The following ANK2 variants were observed in gnomAD, a reference collection of about 807,000 sequenced individuals.
ANK2 encodes ankyrin 2.
Under a neutral mutation model 360.5 loss-of-function variants are expected in ANK2, and 83 were observed. That is an observed-to-expected ratio of 0.23 (90% CI 0.19 to 0.28). ANK2 has a LOEUF of 0.28. Among genes scored for constraint, ANK2 ranks in the 10% least tolerant of loss-of-function variants. The pLI is 1.00. For synonymous variants in ANK2, 1,740 were observed against 1,759.5 expected, an observed-to-expected ratio of 0.99 and a Z score of 0.28; for missense variants, 4,201 against 4,795.7, an observed-to-expected ratio of 0.88 and a Z score of 3.66.
chr4:112,957,562 A>C (rs1581896681), intron 2 of ANK2, among the ~76,000 whole-genome samples: 1 of 152,014 alleles, frequency 6.6e-6, no homozygotes, highest in African/African-American at 2.4e-5. Context: ...GGCCGGGCAG[A>C]AGGGCTCCTC....
At chr4:113,198,968 T>C (rs770545570) in intron 3 of ANK2, 43 bp from the exon 4 acceptor site, 1 of 1,535,214 alleles carries the variant, frequency 6.5e-7, no homozygotes, top group Non-Finnish European at 9.0e-7. Flanking sequence ...TTCTGCAAAA[T>C]TCAGAAACCT....
At chr4:113,298,866 A>G (rs1246124818) in intron 22 of ANK2, among the ~76,000 whole-genome samples, 1 of 152,230 alleles carries the variant, frequency 6.6e-6, no homozygotes, top group Admixed American at 6.5e-5. Context: ...TTTTCAAAGG[A>G]CATTTTGTTT....
At chr4:113,164,702 T>A (rs1281006752) in intron 1 of ANK2, among the ~76,000 whole-genome samples, 1 of 152,232 alleles carries the variant, frequency 6.6e-6, no homozygotes, top group Non-Finnish European at 1.5e-5. Flanking sequence ...AAGGTTTTTT[T>A]CACTTGGTTG....
Position 113,282,847 on chromosome 4 carries a change from G to T in ANK2, c.2054G>T (p.Gly685Val), listed in dbSNP as rs1200160910. 36 of 1,613,866 alleles carry T rather than the reference G, an allele frequency of 2.2e-5. No individual in the cohort carries two copies. The highest frequency in any genetic ancestry group is 3.0e-5 in the Non-Finnish European group (35 of 1,179,952). The change falls in exon 18 of 46, where the codon GGA becomes GTA. Residue 685 changes from glycine (G) to valine (V), a missense_variant. By Grantham distance (109) the Gly-to-Val change is moderately radical. Around this residue, in one of 4 missense-constraint regions of ANK2, gnomAD observed 1,268 missense variants for 1,650.8 expected, o/e 0.77. Transcript: ENST00000357077. ...ATGGTTACCTTGCTTCTGGATAAGG[G>T]AGCCAATATCCACATGTCAACTAAG... ...TDMVTLLLDK[G>V]ANIHMSTKSG...
At chr4:113,169,193 T>C (rs2097856489) in intron 1 of ANK2, among the ~76,000 whole-genome samples, 1 of 152,198 alleles carries the variant, frequency 6.6e-6, no homozygotes, top group African/African-American at 2.4e-5. Context: ...AATCATCATA[T>C]TTTTTCCTTA....
Position 113,356,591 on chromosome 4 carries a change from G to A in ANK2, c.7973G>A (p.Arg2658Lys), listed in dbSNP as rs1371176383. The A allele has an allele frequency of 3.1e-6, 5 of 1,613,990 alleles. No homozygotes were observed. The East Asian group carries it at 6.7e-5, about 22-fold the overall frequency. The change falls in exon 38 of 46, where the codon AGG becomes AAG. Residue 2658 changes from arginine to lysine, a missense_variant. Physicochemically the swap from Arg to Lys is conservative, Grantham distance 26. Coordinates refer to ENST00000357077, the MANE Select transcript of ANK2 (RefSeq NM_001148.6). The stretch of plus-strand genomic sequence containing the variant: ...CCTGTGTTAGTAACTTCGGAGAGCA[G>A]GAAGGTGTCTTCCTCCTCAGAAAGT... Reference protein sequence around the residue: ...GVPVLVTSESRKVSSSSESEP... With the variant: ...GVPVLVTSESKKVSSSSESEP...
chr4:112,924,690 A>ATATC (rs1428663843), intron 2 of ANK2, among the ~76,000 whole-genome samples: 3 of 152,040 alleles, frequency 2.0e-5, no homozygotes, highest in Admixed American at 2.0e-4. Context: ...GTAAAAAAGT[A>ATATC]TATCTAACAT....
In ANK2 at chr4:113,354,055, C is replaced by A. The variant is rs2095580784; in HGVS notation, c.5437C>A (p.Leu1813Met). Residue 1813 changes from leucine (L) to methionine (M), a missense_variant, in exon 38 of 46, where the codon CTG becomes ATG. Around this residue, in one of 4 missense-constraint regions of ANK2, gnomAD observed 2,642 missense variants for 2,714.5 expected, o/e 0.97. Transcript: ENST00000357077. ...HRPHPAASPS[L>M]KSERHAPGSP... ...GCCACATCCAGCTGCGTCACCCTCT[C>A]TGAAGTCAGAGAGACATGCGCCAGG... The A allele has an allele frequency of 1.2e-6, 2 of 1,614,084 alleles. No homozygotes were observed. Among genetic ancestry groups the A allele is most frequent in the East Asian group, 4.5e-5 (2 of 44,874 alleles).
At chr4:113,077,164 G>A (rs2080394569) in intron 1 of ANK2, among the ~76,000 whole-genome samples, 1 of 151,482 alleles carries the variant, frequency 6.6e-6, no homozygotes, top group Non-Finnish European at 1.5e-5. Flanking sequence ...ATACCCATAG[G>A]AGAGAAAAAT....
At chr4:112,762,033 G>A in the ANK2 span, among the ~76,000 whole-genome samples, 1 of 152,160 alleles carries the variant, frequency 6.6e-6, no homozygotes, top group Non-Finnish European at 1.5e-5. Flanking sequence ...ACCAACATCT[G>A]AGTTGAGTCT....
intron 26 of ANK2, among the ~76,000 whole-genome samples, chr4:113,328,385 G>A (rs2091133065): frequency 6.6e-6 from 1 of 151,912 alleles, no homozygotes. Flanking sequence ...ACCAACCTAA[G>A]TATCCTACTC....
chr4:113,309,301 G>A (rs2078726872), intron 23 of ANK2, among the ~76,000 whole-genome samples: 1 of 152,164 alleles, frequency 6.6e-6, no homozygotes, highest in Non-Finnish European at 1.5e-5. Context: ...TTCTCTCTGA[G>A]ACATAATCAA....
intron 1 of ANK2, among the ~76,000 whole-genome samples, chr4:112,880,063 C>CTT (rs59583652): frequency 1.1e-5 from 1 of 95,004 alleles, no homozygotes; most frequent in Non-Finnish European, 2.4e-5. Context: ...CACACACACA[C>CTT]TCTCTCTCTC....
chr4:112,958,207 G>T (rs1378093595), intron 2 of ANK2, among the ~76,000 whole-genome samples: 1 of 152,044 alleles, frequency 6.6e-6, no homozygotes, highest in African/African-American at 2.4e-5. Context: ...GCCGGGCAGA[G>T]GCTGCAATCT....
chr4:112,788,027 G>A, the ANK2 span: 9,233 of 918,802 alleles, frequency 0.01, 73 homozygotes, highest in Non-Finnish European at 0.013. Flanking sequence ...TTTCTTTGAA[G>A]GAAAATTTGT....
the ANK2 span, among the ~76,000 whole-genome samples, chr4:112,731,833 A>G: frequency 6.6e-6 from 1 of 152,184 alleles, no homozygotes; most frequent in Non-Finnish European, 1.5e-5. Context: ...TTCCTGGGCT[A>G]GAGGAGTGCC....
intron 1 of ANK2, among the ~76,000 whole-genome samples, chr4:112,875,861 C>T (rs1017115087): frequency 5.3e-5 from 8 of 152,014 alleles, no homozygotes; most frequent in Non-Finnish European, 1.2e-4. Context: ...CCCACTTCAG[C>T]CTCCCAAGTA....
intron 1 of ANK2, among the ~76,000 whole-genome samples, chr4:112,893,529 C>A (rs539189820): frequency 1.3e-5 from 2 of 152,100 alleles, no homozygotes; most frequent in African/African-American, 4.8e-5. Context: ...GGCAAAACTG[C>A]GACTATTTTT....
At chr4:113,074,179 C>T (rs1057096770) in intron 1 of ANK2, among the ~76,000 whole-genome samples, 1 of 151,982 alleles carries the variant, frequency 6.6e-6, no homozygotes, top group African/African-American at 2.4e-5. Flanking sequence ...CATTTTCTTC[C>T]CAGTGTACAA....
Sources: allele counts gnomAD v4.1 joint callset (sites outside exome capture counted in the v4.1 genomes callset), GRCh38; gene constraint gnomAD v4.1.1; regional missense constraint gnomAD v4.1.1; transcripts MANE v1.5; gene names NCBI Gene and HGNC (gene_info 2026-07-23, HGNC 2026-07-21).